PDCD1LG2: variants seen among roughly 807,000 people sequenced by gnomAD.
The protein encoded by PDCD1LG2 is B7 dendritic cell molecule.
In PDCD1LG2, 32 loss-of-function variants were observed where a neutral mutation model predicts 28.2. That is an observed-to-expected ratio of 1.13 (90% confidence interval 0.86 to 1.52). PDCD1LG2 has a LOEUF of 1.52. PDCD1LG2 is among the 40% of genes most tolerant of loss of function. The pLI is 0.00. For synonymous variants in PDCD1LG2, 116 were observed against 120.2 expected (o/e 0.97, Z 0.23); for missense variants, 385 against 323.8 (o/e 1.19, Z -1.45).
chr9:5,533,122 G>A (rs960938849), intron 2 of PDCD1LG2, among the ~76,000 whole-genome samples: 1 of 152,200 alleles, frequency 6.6e-6, no homozygotes, highest in Non-Finnish European at 1.5e-5. Context: ...TTGAATGAAT[G>A]ATTTGATTGA....
chr9:5,557,868 T>C (rs2129924263), intron 5 of PDCD1LG2, 116 bp downstream of exon 5: 2 of 1,261,710 alleles, frequency 1.6e-6, no homozygotes, highest in Non-Finnish European at 2.2e-6. Context: ...TCAGAGCTTA[T>C]GAACCACTTT....
intron 3 of PDCD1LG2, among the ~76,000 whole-genome samples, chr9:5,538,687 CA>C (rs955584650): frequency 9.6e-6 from 1 of 104,344 alleles, no homozygotes; most frequent in African/African-American, 3.6e-5. Flanking sequence ...GACTCTGTCT[CA>C]AAAAAAGAAA....
intron 2 of PDCD1LG2, among the ~76,000 whole-genome samples, chr9:5,527,034 A>G (rs1378451056): frequency 6.6e-6 from 1 of 151,890 alleles, no homozygotes; most frequent in Non-Finnish European, 1.5e-5. Flanking sequence ...TTAATCATTA[A>G]CTCTTTCCTT....
intron 5 of PDCD1LG2, among the ~76,000 whole-genome samples, chr9:5,559,323 G>C (rs1406013175): frequency 6.6e-6 from 1 of 152,318 alleles, no homozygotes; most frequent in Admixed American, 6.5e-5. Flanking sequence ...ATGAACCAGA[G>C]AGAAATCATG....
intron 5 of PDCD1LG2, among the ~76,000 whole-genome samples, chr9:5,558,109 TC>T (rs1261314288): frequency 6.6e-6 from 1 of 152,178 alleles, no homozygotes; most frequent in Non-Finnish European, 1.5e-5. Flanking sequence ...CAGGATCCTT[TC>T]TGAGGATTCC....
chr9:5,536,811 G>A (rs1027631148), intron 3 of PDCD1LG2, among the ~76,000 whole-genome samples: 1 of 152,174 alleles, frequency 6.6e-6, no homozygotes, highest in Non-Finnish European at 1.5e-5. Context: ...GCAGTTTTAG[G>A]AAGTGAGTTC....
At chr9:5,512,361 T>A (rs914011552) in intron 1 of PDCD1LG2, among the ~76,000 whole-genome samples, 2 of 152,206 alleles carry the variant, frequency 1.3e-5, no homozygotes, top group Non-Finnish European at 2.9e-5. Context: ...CTCTGATGCC[T>A]TCCAGCTGTC....
intron 1 of PDCD1LG2, among the ~76,000 whole-genome samples, chr9:5,513,570 A>C (rs1444852643): frequency 2.6e-5 from 4 of 152,204 alleles, no homozygotes; most frequent in African/African-American, 9.7e-5. Flanking sequence ...TTCTAATATA[A>C]AGGCTTATAA....
In PDCD1LG2 at chr9:5,526,473, T is replaced by C. The variant is rs553962250; in HGVS notation, c.55+3872T>C. Among the ~76,000 whole-genome samples, 11 of 152,316 alleles carry C rather than the reference T, an allele frequency of 7.2e-5. 1 individual carries two copies. In the South Asian group the frequency reaches 1.0e-3, roughly 14 times the overall value. On this transcript the variant is annotated intron_variant, in intron 2 of 6. Coordinates refer to ENST00000397747, the MANE Select transcript of PDCD1LG2 (RefSeq NM_025239.4). Reference sequence around the variant, plus strand: ...ACTTTTTAGAGACAGGGTCTTCCTCTGTCATCCATGCTGGAGTGCAGTGGC... The same window carrying C: ...ACTTTTTAGAGACAGGGTCTTCCTCCGTCATCCATGCTGGAGTGCAGTGGC...
intron 3 of PDCD1LG2, among the ~76,000 whole-genome samples, chr9:5,545,922 T>C (rs186922205): frequency 9.8e-5 from 15 of 152,338 alleles, no homozygotes; most frequent in Admixed American, 4.6e-4. Flanking sequence ...ACTTGAATTT[T>C]TGGAGTACTT....
chr9:5,520,050 C>T (rs1335514851), intron 1 of PDCD1LG2, among the ~76,000 whole-genome samples: 1 of 152,166 alleles, frequency 6.6e-6, no homozygotes, highest in Non-Finnish European at 1.5e-5. Context: ...ACCAAAATTC[C>T]AGCTTCCTTT....
At chr9:5,519,527 C>T (rs550395086) in intron 1 of PDCD1LG2, among the ~76,000 whole-genome samples, 2 of 152,236 alleles carry the variant, frequency 1.3e-5, no homozygotes, top group African/African-American at 4.8e-5. Flanking sequence ...TGCTGGTGAC[C>T]GCTCTTCACA....
chr9:5,514,351 T>C (rs73641633), intron 1 of PDCD1LG2, among the ~76,000 whole-genome samples: 1,834 of 152,222 alleles, frequency 0.012, 41 homozygotes, highest in African/African-American at 0.042. Flanking sequence ...AGTTTGGAAA[T>C]AGATCTCCAC....
chr9:5,524,389 A>G (rs56929477), intron 2 of PDCD1LG2, among the ~76,000 whole-genome samples: 4,333 of 152,340 alleles, frequency 0.028, 209 homozygotes, highest in African/African-American at 0.098. Context: ...CACAGAATCA[A>G]AAAATATGTG....
intron 6 of PDCD1LG2, among the ~76,000 whole-genome samples, chr9:5,566,081 T>A (rs1816660166): frequency 6.6e-6 from 1 of 151,794 alleles, no homozygotes; most frequent in Non-Finnish European, 1.5e-5. Context: ...CCCAAAACCA[T>A]CCATTATGAG....
intron 3 of PDCD1LG2, among the ~76,000 whole-genome samples, chr9:5,537,930 G>C (rs576566776): frequency 1.3e-5 from 2 of 152,180 alleles, no homozygotes; most frequent in Admixed American, 6.5e-5. Flanking sequence ...AAGCTTCATA[G>C]TCACAAGAGA....
At chr9:5,545,580 C>T (rs780034210) in intron 3 of PDCD1LG2, among the ~76,000 whole-genome samples, 3 of 152,164 alleles carry the variant, frequency 2.0e-5, no homozygotes. Flanking sequence ...TCTAAAGGAA[C>T]ACATAACAAT....
At chr9:5,515,634 G>A (rs1272628438) in intron 1 of PDCD1LG2, among the ~76,000 whole-genome samples, 1 of 152,078 alleles carries the variant, frequency 6.6e-6, no homozygotes, top group Admixed American at 6.5e-5. Flanking sequence ...AGAGAGGTGA[G>A]GAGACACAAG....
rs74485557 is a variant in PDCD1LG2, at chr9:5,519,613, A to G, written c.-14-2920A>G. ...TTTCCTATCTCTCTGTAGGTGATGT[A>G]ATGCAGATATCCATGACTTTAAATC... On this transcript the variant is annotated intron_variant, in intron 1 of 6. Coordinates refer to ENST00000397747, the MANE Select transcript of PDCD1LG2 (RefSeq NM_025239.4). 3.3e-3 allele frequency among the ~76,000 whole-genome samples: 498 copies of G among 152,300 alleles called. 6 individuals carry two copies. Among genetic ancestry groups the G allele is most frequent in the African/African-American group, 7.0e-3 (290 of 41,546 alleles).
Sources: gnomAD v4.1 joint callset for allele counts (sites outside exome capture counted in the v4.1 genomes callset) on GRCh38, gnomAD v4.1.1 for gene constraint, MANE v1.5 for transcripts, NCBI Gene and HGNC (gene_info 2026-07-23, HGNC 2026-07-21) for gene names.